KMT2C: variants seen among roughly 807,000 people sequenced by gnomAD.
KMT2C encodes histone-lysine N-methyltransferase 2C.
A neutral mutation model predicts 507.9 loss-of-function variants in KMT2C; 88 were observed. That is an observed-to-expected ratio of 0.17 (90% CI 0.15 to 0.21). The LOEUF (loss-of-function observed/expected upper bound fraction) is 0.21, where lower values mean the gene tolerates loss of function less well. Ranked by LOEUF, KMT2C falls within the 10% of genes least tolerant of loss-of-function variation. KMT2C has a pLI of 1.00. For missense variants in KMT2C, 4,954 were observed against 5,957.8 expected (o/e 0.83, Z 5.55); for synonymous variants, 2,049 against 2,080.8 (o/e 0.98, Z 0.42).
intron 2 of KMT2C, among the ~76,000 whole-genome samples, chr7:152,356,260 A>C (rs1024353298): frequency 6.6e-6 from 1 of 152,166 alleles, no homozygotes; most frequent in Non-Finnish European, 1.5e-5. Context: ...AGAAAAGAAA[A>C]GGTGGTGAAA....
chr7:152,245,816 T>C (rs2129162399), intron 14 of KMT2C, among the ~76,000 whole-genome samples: 1 of 152,314 alleles, frequency 6.6e-6, no homozygotes, highest in South Asian at 2.1e-4. Flanking sequence ...TTTACTTTAC[T>C]GGTAAAGACC....
At chr7:152,319,242 T>C (rs1172098828) in intron 3 of KMT2C, among the ~76,000 whole-genome samples, 2 of 152,200 alleles carry the variant, frequency 1.3e-5, no homozygotes, top group Non-Finnish European at 2.9e-5. Flanking sequence ...AGAATAGTTA[T>C]ATAGATCATA....
In KMT2C at chr7:152,309,313, ATT is replaced by A. The variant is rs1169487768; in HGVS notation, c.849+651_849+652del. On this transcript the variant is annotated intron_variant, in intron 6 of 58. Coordinates refer to ENST00000262189, the MANE Select transcript of KMT2C (RefSeq NM_170606.3). ...ACATTCCAATGGCTTACACAAATTA[ATT>A]TTTTTTTTTTTTTTTTTTTGAGGCA... Among the ~76,000 whole-genome samples, 95 of 129,628 alleles carry A rather than the reference ATT, an allele frequency of 7.3e-4. 1 individual carries two copies. The East Asian group carries it at 7.4e-3, about 10-fold the overall frequency. 85.0% of individuals were successfully genotyped at this position (129,628 alleles called of 152,430 possible).
chr7:152,390,066 G>T (rs1178925511), intron 1 of KMT2C, among the ~76,000 whole-genome samples: 1 of 152,230 alleles, frequency 6.6e-6, no homozygotes, highest in Admixed American at 6.5e-5. Context: ...CAAAAGAGAA[G>T]GTAGAAGAGG....
At chr7:152,158,515 T>G (rs989998324) in intron 44 of KMT2C, among the ~76,000 whole-genome samples, 29 of 151,828 alleles carry the variant, frequency 1.9e-4, no homozygotes, top group African/African-American at 6.3e-4. Context: ...TTGTTTGTTT[T>G]TTTTTTGTTT....
At chr7:152,430,023 C>G (rs1453680280) in intron 1 of KMT2C, among the ~76,000 whole-genome samples, 2 of 149,902 alleles carry the variant, frequency 1.3e-5, no homozygotes, top group African/African-American at 4.9e-5. Context: ...ACTAAAAACA[C>G]AAAAATTAGC....
At chr7:152,368,458 CAA>C in intron 1 of KMT2C, 1 of 1,219,810 alleles carries the variant, frequency 8.2e-7, no homozygotes, top group Non-Finnish European at 1.2e-6. Context: ...ATAAAAAGTT[CAA>C]AAACTAAAGG....
intron 1 of KMT2C, 135 bp from the exon 2 acceptor site, chr7:152,358,810 A>G (rs1470825236): frequency 5.1e-6 from 3 of 587,270 alleles, no homozygotes; most frequent in Non-Finnish European, 9.0e-6. Context: ...GCATTTTACC[A>G]TATCAAGTAG....
chr7:152,235,652 T>C (rs563009254), intron 16 of KMT2C, among the ~76,000 whole-genome samples, 165 bp downstream of exon 16: 1 of 152,226 alleles, frequency 6.6e-6, no homozygotes, highest in Non-Finnish European at 1.5e-5. Context: ...AAAGTAAATA[T>C]ACAAGAAAAC....
At chr7:152,424,102 G>A (rs1378959130) in intron 1 of KMT2C, among the ~76,000 whole-genome samples, 3 of 151,922 alleles carry the variant, frequency 2.0e-5, no homozygotes, top group Non-Finnish European at 4.4e-5. Flanking sequence ...TTTATCACTC[G>A]TATCCCAAAT....
intron 8 of KMT2C, among the ~76,000 whole-genome samples, chr7:152,264,803 TTC>T (rs1346872959): frequency 6.6e-6 from 1 of 151,470 alleles, no homozygotes; most frequent in Non-Finnish European, 1.5e-5. Context: ...TTGTTTAGAC[TTC>T]TTTCAAAATT....
intron 1 of KMT2C, among the ~76,000 whole-genome samples, chr7:152,379,528 A>C (rs1286527837): frequency 6.9e-6 from 1 of 145,746 alleles, no homozygotes; most frequent in Non-Finnish European, 1.5e-5. Flanking sequence ...ACAGAGTAAG[A>C]CTCTGTCTCC....
intron 6 of KMT2C, among the ~76,000 whole-genome samples, chr7:152,290,258 GTATATATA>G (rs746466676): frequency 0.017 from 451 of 26,214 alleles, 4 homozygotes; most frequent in Middle Eastern, 0.071. Context: ...GTGTGTATGT[GTATATATA>G]TATATATATA....
At chr7:152,169,046 A>G in intron 41 of KMT2C, 140 bp downstream of exon 41, 1 of 536,702 alleles carries the variant, frequency 1.9e-6, no homozygotes, top group Admixed American at 3.1e-5. Flanking sequence ...GTTGCCTAAT[A>G]GGGCAGTGAT....
chr7:152,298,912 A>G (rs1243535166), intron 6 of KMT2C, among the ~76,000 whole-genome samples: 1 of 152,252 alleles, frequency 6.6e-6, no homozygotes, highest in East Asian at 1.9e-4. Flanking sequence ...GATGAAGTGT[A>G]CAATATTACT....
At chr7:152,291,736 G>A (rs1332908184) in intron 6 of KMT2C, among the ~76,000 whole-genome samples, 1 of 152,188 alleles carries the variant, frequency 6.6e-6, no homozygotes, top group Admixed American at 6.5e-5. Flanking sequence ...AAAAGCCTAA[G>A]AAAACCATGA....
At chr7:152,299,689 T>TA (rs2096549331) in intron 6 of KMT2C, among the ~76,000 whole-genome samples, 1 of 151,634 alleles carries the variant, frequency 6.6e-6, no homozygotes, top group African/African-American at 2.4e-5. Context: ...AAGGAACAGA[T>TA]AGAGATAAAT....
At chr7:152,396,850 G>C (rs1381714016) in intron 1 of KMT2C, among the ~76,000 whole-genome samples, 1 of 152,156 alleles carries the variant, frequency 6.6e-6, no homozygotes, top group African/African-American at 2.4e-5. Context: ...ATCAAAACTT[G>C]AAACATATGT....
chr7:152,331,137 A>C (rs537590420), intron 2 of KMT2C, among the ~76,000 whole-genome samples: 1 of 152,038 alleles, frequency 6.6e-6, no homozygotes, highest in Admixed American at 6.5e-5. Context: ...GTGAAACCTC[A>C]TCTCAACAAA....
Sources: gnomAD v4.1 joint callset for allele counts (sites outside exome capture counted in the v4.1 genomes callset) on GRCh38, gnomAD v4.1.1 for gene constraint, MANE v1.5 for transcripts, NCBI Gene and HGNC (gene_info 2026-07-23, HGNC 2026-07-21) for gene names.